COL28A1: variants seen among roughly 807,000 people sequenced by gnomAD.
The protein encoded by COL28A1 is collagen type XXVIII alpha 1 chain.
A neutral mutation model predicts 150.2 loss-of-function variants in COL28A1; 161 were observed. The ratio of observed to expected loss-of-function variants is 1.07; its 90% CI spans 0.94 to 1.22. COL28A1 has a LOEUF of 1.22. Ranked by LOEUF, COL28A1 falls within the 50% of genes most tolerant of loss-of-function variation. The probability of loss-of-function intolerance (pLI) is 0.00; values close to 1 mark genes in which losing one functional copy is unlikely to be tolerated. For synonymous variants in COL28A1, 552 were observed against 469.7 expected, an observed-to-expected ratio of 1.18 and a Z score of -2.26; for missense variants, 1,617 against 1,388.3, an observed-to-expected ratio of 1.16 and a Z score of -2.62.
At chr7:7,442,354 T>C (rs80228405) in intron 20 of COL28A1, among the ~76,000 whole-genome samples, 21 of 152,264 alleles carry the variant, frequency 1.4e-4, no homozygotes, top group East Asian at 1.4e-3. Context: ...CTTAGAGACA[T>C]TGTTCATTCT....
chr7:7,373,199 T>C lies in COL28A1; in HGVS notation c.2707A>G (p.Thr903Ala), dbSNP rs192000177. The C allele has an allele frequency of 6.2e-7, 1 of 1,614,238 alleles. No individual in the cohort carries two copies. Among genetic ancestry groups the C allele is most frequent in the East Asian group, 2.2e-5 (1 of 44,884 alleles). The change falls in exon 32 of 35, where the codon ACT becomes GCT. Residue 903 changes from threonine (T) to alanine (A), a missense_variant. Physicochemically the swap from Thr to Ala is moderately conservative, Grantham distance 58. Transcript: ENST00000399429. The surrounding 1 kb of genome is among the most constrained non-coding windows in gnomAD (Gnocchi z 4.1). ...TCACGAGAATCTGTCTGTCCATCAG[T>C]GATGACCAAGGCCACTTTTTTTACA... ...PGVKKVALVI[T>A]DGQTDSRDKE... is the part of the protein sequence containing the mutation.
intron 21 of COL28A1, among the ~76,000 whole-genome samples, chr7:7,440,294 T>C (rs1434212728): frequency 2.6e-5 from 4 of 152,242 alleles, no homozygotes; most frequent in African/African-American, 9.6e-5. Context: ...TATTAACTCT[T>C]TTAGTCTTCA....
chr7:7,408,985 T>C (rs1783637141), intron 27 of COL28A1, among the ~76,000 whole-genome samples: 1 of 152,154 alleles, frequency 6.6e-6, no homozygotes, highest in African/African-American at 2.4e-5. Context: ...AGAGCAGCTC[T>C]GAGTGATTTG....
intron 9 of COL28A1, among the ~76,000 whole-genome samples, chr7:7,508,127 G>A (rs1411804826): frequency 6.6e-6 from 1 of 152,058 alleles, no homozygotes; most frequent in East Asian, 1.9e-4. Context: ...AGCTACTGGG[G>A]AGGCTGAGGC....
intron 13 of COL28A1, among the ~76,000 whole-genome samples, chr7:7,479,181 C>A (rs765419074): frequency 6.6e-6 from 1 of 152,208 alleles, no homozygotes; most frequent in African/African-American, 2.4e-5. Context: ...CCCATGAATA[C>A]CAAGGAATGG....
At chr7:7,401,254 A>G (rs918895491) in intron 27 of COL28A1, among the ~76,000 whole-genome samples, 11 of 152,136 alleles carry the variant, frequency 7.2e-5, no homozygotes, top group Admixed American at 3.3e-4. Flanking sequence ...TGGAGGACCC[A>G]GGGCCCAGTC....
At chr7:7,368,707 C>T (rs893118494) in intron 33 of COL28A1, among the ~76,000 whole-genome samples, 1 of 152,174 alleles carries the variant, frequency 6.6e-6, no homozygotes, top group Admixed American at 6.5e-5. Flanking sequence ...TGGCTGTTCA[C>T]AAGCCAGAAA....
chr7:7,384,968 T>C (rs1294632), intron 27 of COL28A1, among the ~76,000 whole-genome samples: 137,904 of 152,170 alleles, frequency 0.91, 62,670 homozygotes, highest in East Asian at 1. Context: ...CTGCAAAACA[T>C]GCTCTAATAG....
At chr7:7,447,052 A>G (rs2128325537) in intron 18 of COL28A1, among the ~76,000 whole-genome samples, 1 of 152,322 alleles carries the variant, frequency 6.6e-6, no homozygotes, top group Middle Eastern at 3.4e-3. Flanking sequence ...AAGAAATAAA[A>G]CCTCACAATT....
At chr7:7,430,704 T>A (rs771089777) in intron 25 of COL28A1, among the ~76,000 whole-genome samples, 1 of 152,204 alleles carries the variant, frequency 6.6e-6, no homozygotes, top group Non-Finnish European at 1.5e-5. Context: ...TTTACCATTG[T>A]TTCACTCACA....
intron 28 of COL28A1, 60 bp from the exon 29 acceptor site, chr7:7,380,922 A>G: frequency 6.8e-7 from 1 of 1,463,046 alleles, no homozygotes; most frequent in Non-Finnish European, 9.5e-7. Context: ...CAGATAAGAA[A>G]AGCTCTATAA....
At chr7:7,401,055 C>T (rs1783172950) in intron 27 of COL28A1, among the ~76,000 whole-genome samples, 1 of 140,614 alleles carries the variant, frequency 7.1e-6, no homozygotes, top group Non-Finnish European at 1.5e-5. Flanking sequence ...CCAATGACTT[C>T]CAGGTTGTCA....
At chr7:7,534,856 C>A (rs1782560222) in intron 1 of COL28A1, among the ~76,000 whole-genome samples, 1 of 152,068 alleles carries the variant, frequency 6.6e-6, no homozygotes, top group East Asian at 1.9e-4. Context: ...ATCTAGCTCT[C>A]CCAAACCAAA....
rs1048522362 is a variant in COL28A1 at position 7,481,348 on chromosome 7, C to T, written c.1165-4168G>A. ...TATAAACCATCAGAGTAGTATTCCACGCCATCAGTATATTCTCAAGTCTTC... is the reference window on the plus strand; with the variant it reads ...TATAAACCATCAGAGTAGTATTCCATGCCATCAGTATATTCTCAAGTCTTC... On this transcript the variant is annotated intron_variant, in intron 13 of 34. Transcript: ENST00000399429. 1.4e-4 allele frequency among the ~76,000 whole-genome samples: 22 copies of T among 152,284 alleles called. 1 individual carries two copies. The highest frequency in any genetic ancestry group is 1.3e-3 in the Admixed American group (20 of 15,298).
At chr7:7,406,791 G>A (rs1314504180) in intron 27 of COL28A1, among the ~76,000 whole-genome samples, 1 of 152,102 alleles carries the variant, frequency 6.6e-6, no homozygotes, top group Non-Finnish European at 1.5e-5. Flanking sequence ...GTGAGATAAA[G>A]TGAGATGCAA....
intron 27 of COL28A1, among the ~76,000 whole-genome samples, chr7:7,412,345 G>T (rs779782359): frequency 2.6e-5 from 4 of 152,030 alleles, no homozygotes; most frequent in East Asian, 3.9e-4. Context: ...CACATTGGAC[G>T]GTTATGTGAG....
rs972646307 is a variant in COL28A1 at position 7,456,170 on chromosome 7, C to G, written c.1303-58G>C. 1.9e-6 allele frequency: 3 copies of G among 1,562,960 alleles called. No homozygotes were observed. In the African/African-American group the frequency reaches 4.1e-5, roughly 22 times the overall value. On this transcript the variant is annotated intron_variant, in intron 15 of 34. Transcript: ENST00000399429. Reference sequence around the variant, plus strand: ...TAAAATAAAATCTTATTATTTCATACTTTGCTAACCTGGAATTGGGCTGTG... The same window carrying G: ...TAAAATAAAATCTTATTATTTCATAGTTTGCTAACCTGGAATTGGGCTGTG...
intron 27 of COL28A1, among the ~76,000 whole-genome samples, chr7:7,387,064 C>G (rs1358478035): frequency 6.6e-6 from 1 of 152,126 alleles, no homozygotes; most frequent in Non-Finnish European, 1.5e-5. Flanking sequence ...GACCTAATCA[C>G]CACCCCAAGG....
chr7:7,401,035 G>T (rs1329403791), intron 27 of COL28A1, among the ~76,000 whole-genome samples: 2 of 127,472 alleles, frequency 1.6e-5, no homozygotes, highest in Non-Finnish European at 3.3e-5. Context: ...TACAGCTCTT[G>T]TGAAAGTCAC....
Sources: gnomAD v4.1 joint callset for allele counts (sites outside exome capture counted in the v4.1 genomes callset) on GRCh38, gnomAD v4.1.1 for gene constraint, Gnocchi (gnomAD v3.1) non-coding constraint, MANE v1.5 for transcripts, NCBI Gene and HGNC (gene_info 2026-07-23, HGNC 2026-07-21) for gene names.